Variants in MMRN1 observed in about 807,000 individuals in gnomAD.
MMRN1 encodes the protein multimerin-1.
MMRN1 carries 94 observed loss-of-function variants against 100.7 expected under a neutral mutation model. The observed-to-expected ratio is 0.93, with a 90% CI of 0.79 to 1.11. MMRN1 has a LOEUF of 1.11. MMRN1 is among the 50% of genes least tolerant of loss of function. The pLI is 0.00. For missense variants in MMRN1, 1,606 were observed against 1,439.1 expected (o/e 1.12, Z -1.88); for synonymous variants, 575 against 505.0 (o/e 1.14, Z -1.86).
At chr4:89,927,299 T>C (rs1043336057) in intron 4 of MMRN1, among the ~76,000 whole-genome samples, 1 of 152,086 alleles carries the variant, frequency 6.6e-6, no homozygotes, top group African/African-American at 2.4e-5. Context: ...CTTTCATTAG[T>C]GTTTTATAGT....
At chr4:89,910,922 C>G (rs1260843452) in intron 2 of MMRN1, among the ~76,000 whole-genome samples, 2 of 151,220 alleles carry the variant, frequency 1.3e-5, no homozygotes, top group Non-Finnish European at 3.0e-5. Context: ...ACTGTTGTCT[C>G]CATATAGTTG....
At chr4:89,923,128 A>G (rs1722142541) in intron 3 of MMRN1, 40 bp from the exon 4 acceptor site, 3 of 1,520,630 alleles carry the variant, frequency 2.0e-6, no homozygotes, top group Middle Eastern at 1.7e-4. Flanking sequence ...AGGCTGTCCC[A>G]GTGCTTAACT....
intron 6 of MMRN1, among the ~76,000 whole-genome samples, chr4:89,947,181 C>T (rs1404850493): frequency 6.6e-6 from 1 of 152,160 alleles, no homozygotes; most frequent in Non-Finnish European, 1.5e-5. Flanking sequence ...ACTTGGGAGG[C>T]TGAGGCAGGA....
chr4:89,949,990 A>G (rs775306641), intron 6 of MMRN1, among the ~76,000 whole-genome samples: 1 of 152,240 alleles, frequency 6.6e-6, no homozygotes, highest in Non-Finnish European at 1.5e-5. Flanking sequence ...GCACCAGAGT[A>G]ACTGTGGCAA....
intron 1 of MMRN1, among the ~76,000 whole-genome samples, chr4:89,902,668 C>T (rs2110587250): frequency 6.6e-6 from 1 of 151,994 alleles, no homozygotes; most frequent in Non-Finnish European, 1.5e-5. Flanking sequence ...ACACTGTTCC[C>T]ACTACAGAAA....
intron 3 of MMRN1, among the ~76,000 whole-genome samples, chr4:89,919,386 C>T (rs185955522): frequency 1.3e-5 from 2 of 151,546 alleles, no homozygotes; most frequent in East Asian, 1.9e-4. Context: ...TGGTTGCAAA[C>T]GATCTTTAAC....
At chr4:89,886,637 T>C (rs1171531016) in intron 1 of MMRN1, among the ~76,000 whole-genome samples, 2 of 152,178 alleles carry the variant, frequency 1.3e-5, no homozygotes, top group Non-Finnish European at 2.9e-5. Flanking sequence ...TGTTAATATC[T>C]CTGACTATGA....
At chr4:89,916,449 A>T (rs971635641) in intron 3 of MMRN1, among the ~76,000 whole-genome samples, 2 of 151,538 alleles carry the variant, frequency 1.3e-5, no homozygotes. Context: ...GCATGTGCCC[A>T]CATGCAATTA....
At chr4:89,905,370 G>A (rs1721531796) in intron 1 of MMRN1, among the ~76,000 whole-genome samples, 1 of 151,316 alleles carries the variant, frequency 6.6e-6, no homozygotes, top group Non-Finnish European at 1.5e-5. Context: ...TCTTATGAGG[G>A]ATCAATATTT....
At chr4:89,939,349 A>G (rs567742341) in intron 6 of MMRN1, among the ~76,000 whole-genome samples, 1 of 152,268 alleles carries the variant, frequency 6.6e-6, no homozygotes, top group African/African-American at 2.4e-5. Flanking sequence ...CAGTATATAG[A>G]AAAAAGCATA....
chr4:89,891,489 A>C (rs771313003), upstream of MMRN1, among the ~76,000 whole-genome samples: 1 of 152,118 alleles, frequency 6.6e-6, no homozygotes, highest in African/African-American at 2.4e-5. Flanking sequence ...CTTTAAGTTT[A>C]ACTTCCCATG....
intron 6 of MMRN1, among the ~76,000 whole-genome samples, chr4:89,947,189 G>A (rs1316326234): frequency 1.3e-5 from 2 of 152,154 alleles, no homozygotes; most frequent in Non-Finnish European, 2.9e-5. Flanking sequence ...GGCTGAGGCA[G>A]GAGAATAGCT....
In MMRN1 at chr4:89,912,114, A is replaced by G. The variant is rs1417668592; in HGVS notation, c.850+64A>G. 11 of 1,177,810 alleles carry G rather than the reference A, an allele frequency of 9.3e-6. No homozygotes were observed. The South Asian group carries it at 1.7e-4, about 19-fold the overall frequency. 73.0% of individuals were successfully genotyped at this position (1,177,810 alleles called of 1,614,324 possible). On this transcript the variant is annotated intron_variant, in intron 3 of 7. Transcript: ENST00000264790. ...AGAAACTGATTCTATTGAAGAAAAG[A>G]ATAGCATTTCCCCTTTTGAACCAAG...
At chr4:89,902,369 A>G (rs749631159) in intron 1 of MMRN1, among the ~76,000 whole-genome samples, 15 of 151,916 alleles carry the variant, frequency 9.9e-5, no homozygotes, top group Non-Finnish European at 1.9e-4. Flanking sequence ...AAAAAAACAA[A>G]TTTATGGAAA....
intron 1 of MMRN1, among the ~76,000 whole-genome samples, chr4:89,883,043 A>G (rs889229596): frequency 3.9e-5 from 6 of 152,064 alleles, no homozygotes; most frequent in Non-Finnish European, 7.4e-5. Flanking sequence ...CAAATCTCTC[A>G]GTAATCATAT....
chr4:89,935,768 A>G lies in MMRN1; in HGVS notation c.2088A>G (p.Thr696=), dbSNP rs1722605910. The G allele has an allele frequency of 6.2e-7, 1 of 1,612,530 alleles. No individual in the cohort carries two copies. The highest frequency in any genetic ancestry group is 8.5e-7 in the Non-Finnish European group (1 of 1,179,478). Residue 696 remains threonine (T), a synonymous_variant, in exon 6 of 8, where the codon ACA becomes ACG. Transcript: ENST00000264790. ...TAAATTTTATTATCAAAGAACTTAC[A>G]AAAAGACACAACTTACTTAGAAATG... ...NSLNFIIKEL[T]KRHNLLRNEV... is the part of the protein sequence containing the mutation.
chr4:89,948,702 A>G (rs1011396110), intron 6 of MMRN1, among the ~76,000 whole-genome samples: 13 of 152,216 alleles, frequency 8.5e-5, no homozygotes, highest in African/African-American at 3.1e-4. Flanking sequence ...TGCCATGGAC[A>G]TGATTTTATA....
intron 6 of MMRN1, among the ~76,000 whole-genome samples, chr4:89,948,095 G>A (rs535423959): frequency 5.9e-5 from 9 of 152,110 alleles, no homozygotes; most frequent in South Asian, 4.2e-4. Context: ...CAGGTGATCT[G>A]CCCGCCTCAG....
At chr4:89,892,785 G>C (rs751718419), upstream of MMRN1, among the ~76,000 whole-genome samples, 1 of 151,918 alleles carries the variant, frequency 6.6e-6, no homozygotes, top group Non-Finnish European at 1.5e-5. Flanking sequence ...ATAACTATTT[G>C]TTATCAGTTA....
Sources: gnomAD v4.1 joint callset for allele counts (sites outside exome capture counted in the v4.1 genomes callset) on GRCh38, gnomAD v4.1.1 for gene constraint, MANE v1.5 for transcripts, NCBI Gene and HGNC (gene_info 2026-07-23, HGNC 2026-07-21) for gene names.